Variants in ENAH observed in about 807,000 individuals in gnomAD.
ENAH encodes ENAH actin regulator, also known as protein enabled homolog.
Under a neutral mutation model 78.7 loss-of-function variants are expected in ENAH, and 23 were observed. That is an observed-to-expected ratio of 0.29 (90% confidence interval 0.21 to 0.41). The LOEUF is 0.41. ENAH is among the 10% of genes least tolerant of loss of function. The probability of loss-of-function intolerance (pLI) is 1.00; values close to 1 mark genes in which losing one functional copy is unlikely to be tolerated. For synonymous variants in ENAH, 226 were observed against 241.0 expected, an observed-to-expected ratio of 0.94 and a Z score of 0.58; for missense variants, 544 against 691.0, an observed-to-expected ratio of 0.79 and a Z score of 2.39.
At chr1:225,632,522 T>G (rs1242522833) in intron 1 of ENAH, among the ~76,000 whole-genome samples, 1 of 151,430 alleles carries the variant, frequency 6.6e-6, no homozygotes, top group East Asian at 1.9e-4. Context: ...AAAGTGGTTC[T>G]CAACATTTCC....
chr1:225,514,439 A>G, intron 7 of ENAH, among the ~76,000 whole-genome samples, 157 bp downstream of exon 7: 1 of 152,098 alleles, frequency 6.6e-6, no homozygotes, highest in Non-Finnish European at 1.5e-5. Context: ...TGCAGGGATT[A>G]TACAGGTATG....
At chr1:225,573,535 G>A (rs2096773687) in intron 1 of ENAH, among the ~76,000 whole-genome samples, 3 of 152,006 alleles carry the variant, frequency 2.0e-5, no homozygotes, top group Non-Finnish European at 2.9e-5. Flanking sequence ...AGCAGAACAC[G>A]GCCTACATTT....
intron 11 of ENAH, 50 bp downstream of exon 11, chr1:225,507,901 A>G (rs2096346775): frequency 7.6e-7 from 1 of 1,323,450 alleles, no homozygotes; most frequent in Admixed American, 2.6e-5. Flanking sequence ...GAATGCATTA[A>G]TTTTTTTTTA....
chr1:225,530,348 A>C (rs555136096), intron 4 of ENAH, among the ~76,000 whole-genome samples: 20 of 152,314 alleles, frequency 1.3e-4, no homozygotes, highest in Admixed American at 3.9e-4. Context: ...ACAAAAAAAA[A>C]CACATATGAA....
chr1:225,593,253 T>C (rs1182866282), intron 1 of ENAH, among the ~76,000 whole-genome samples: 1 of 151,966 alleles, frequency 6.6e-6, no homozygotes, highest in African/African-American at 2.4e-5. Flanking sequence ...GAGTATTTTA[T>C]AATTCACCCC....
At chr1:225,640,114 T>C (rs1288297598) in intron 1 of ENAH, among the ~76,000 whole-genome samples, 1 of 152,178 alleles carries the variant, frequency 6.6e-6, no homozygotes, top group Non-Finnish European at 1.5e-5. Flanking sequence ...AGCCCTTGAA[T>C]ATTTTGGCAA....
intron 1 of ENAH, among the ~76,000 whole-genome samples, chr1:225,570,301 C>G (rs984399284): frequency 6.6e-6 from 1 of 152,142 alleles, no homozygotes; most frequent in African/African-American, 2.4e-5. Flanking sequence ...TCCACAGCAT[C>G]TGAGGACCTC....
intron 1 of ENAH, among the ~76,000 whole-genome samples, chr1:225,568,880 T>A (rs925308901): frequency 1.3e-5 from 2 of 152,246 alleles, no homozygotes; most frequent in Admixed American, 6.5e-5. Context: ...TAATTTTCCA[T>A]TAGAAAAATG....
intron 3 of ENAH, among the ~76,000 whole-genome samples, chr1:225,548,748 G>C (rs1336244312): frequency 6.6e-6 from 1 of 152,148 alleles, no homozygotes; most frequent in Non-Finnish European, 1.5e-5. Flanking sequence ...ACTGTGAGAG[G>C]TAAGTATGAG....
chr1:225,633,771 T>C (rs747914589), intron 1 of ENAH, among the ~76,000 whole-genome samples: 147 of 152,350 alleles, frequency 9.6e-4, no homozygotes, highest in Admixed American at 2.4e-3. Flanking sequence ...AAAGTTATCA[T>C]ATATAATTGG....
chr1:225,631,425 T>A (rs1575797368), intron 1 of ENAH, among the ~76,000 whole-genome samples: 1 of 149,892 alleles, frequency 6.7e-6, no homozygotes. Context: ...AAAAAAAAAA[T>A]TGGCTGGACG....
chr1:225,561,723 A>C (rs1231673924), intron 2 of ENAH, among the ~76,000 whole-genome samples: 3 of 152,170 alleles, frequency 2.0e-5, no homozygotes, highest in African/African-American at 7.2e-5. Context: ...GGTTTGGACT[A>C]CATCATAATC....
chr1:225,572,059 C>T (rs571041622), intron 1 of ENAH, among the ~76,000 whole-genome samples: 1 of 152,238 alleles, frequency 6.6e-6, no homozygotes, highest in South Asian at 2.1e-4. Flanking sequence ...GTAGCCTGGG[C>T]ACTCCATTTG....
intron 2 of ENAH, among the ~76,000 whole-genome samples, chr1:225,563,439 A>G (rs570021045): frequency 2.0e-5 from 3 of 152,324 alleles, no homozygotes; most frequent in South Asian, 2.1e-4. Flanking sequence ...TTATCTACCC[A>G]TATCAGCTTA....
chr1:225,635,927 T>C (rs1659983567), intron 1 of ENAH, among the ~76,000 whole-genome samples: 1 of 152,230 alleles, frequency 6.6e-6, no homozygotes, highest in South Asian at 2.1e-4. Context: ...TCCTCCTGTT[T>C]TGAGTTTCCA....
chr1:225,597,963 A>G (rs973235601), intron 1 of ENAH, among the ~76,000 whole-genome samples: 1 of 150,630 alleles, frequency 6.6e-6, no homozygotes, highest in Non-Finnish European at 1.5e-5. Context: ...AAATATTAAT[A>G]TTCTTTTCCA....
intron 1 of ENAH, chr1:225,581,169 C>A (rs2096815515): frequency 1.7e-6 from 1 of 600,086 alleles, no homozygotes; most frequent in African/African-American, 2.0e-5. Flanking sequence ...AAACACTTCA[C>A]TTGGCAACAC....
chr1:225,515,310 A>G (rs987634742), intron 6 of ENAH: 12 of 168,028 alleles, frequency 7.1e-5, no homozygotes, highest in Non-Finnish European at 1.4e-4. Flanking sequence ...ATTAACCTTA[A>G]GTGTTGAGAC....
intron 3 of ENAH, among the ~76,000 whole-genome samples, chr1:225,545,371 C>T (rs2096608357): frequency 6.6e-6 from 1 of 152,130 alleles, no homozygotes; most frequent in Non-Finnish European, 1.5e-5. Context: ...TCCTAGGATC[C>T]ACTTATATTC....
Sources: allele counts gnomAD v4.1 joint callset (sites outside exome capture counted in the v4.1 genomes callset), GRCh38; gene constraint gnomAD v4.1.1; transcripts MANE v1.5; gene names NCBI Gene and HGNC (gene_info 2026-07-23, HGNC 2026-07-21).